The following DLGAP1 variants were observed in gnomAD, a reference collection of about 807,000 sequenced individuals.
DLGAP1 encodes the protein DLG associated protein 1.
A neutral mutation model predicts 90.8 loss-of-function variants in DLGAP1; 11 were observed. The ratio of observed to expected loss-of-function variants is 0.12; its 90% CI spans 0.08 to 0.20. The LOEUF (loss-of-function observed/expected upper bound fraction) is 0.20, where lower values mean the gene tolerates loss of function less well. Among genes scored for constraint, DLGAP1 ranks in the 10% least tolerant of loss-of-function variants. DLGAP1 has a pLI of 1.00. For missense variants in DLGAP1, 1,050 were observed against 1,333.8 expected (o/e 0.79, Z 3.31); for synonymous variants, 558 against 540.7 (o/e 1.03, Z -0.44).
In DLGAP1 at chr18:3,523,585, C is replaced by G. The variant is rs9947430; in HGVS notation, c.2479+10609G>C. ...AGGTCCGACCAGGTGCGGTGGCTCA[C>G]GCCTGTAATCCCAGCACTTTGGGAG... On this transcript the variant is annotated intron_variant, in intron 10 of 12. Coordinates refer to ENST00000315677, the MANE Select transcript of DLGAP1 (RefSeq NM_004746.4). Among the ~76,000 whole-genome samples, 4 of 151,752 alleles carry G rather than the reference C, an allele frequency of 2.6e-5. No individual in the cohort carries two copies. In the East Asian group the frequency reaches 5.8e-4, roughly 22 times the overall value.
intron 3 of DLGAP1, among the ~76,000 whole-genome samples, chr18:3,924,666 G>C (rs1304190968): frequency 5.9e-5 from 9 of 152,094 alleles, no homozygotes. Context: ...ACACATACTT[G>C]ACCTTCTGAT....
chr18:3,813,611 A>G (rs1190410004), intron 5 of DLGAP1, among the ~76,000 whole-genome samples: 3 of 152,172 alleles, frequency 2.0e-5, no homozygotes, highest in Non-Finnish European at 4.4e-5. Flanking sequence ...CACACTCTAT[A>G]AGCTTCTCTA....
intron 7 of DLGAP1, among the ~76,000 whole-genome samples, chr18:3,601,204 A>G (rs1390197136): frequency 6.6e-6 from 1 of 151,894 alleles, no homozygotes; most frequent in Admixed American, 6.6e-5. Flanking sequence ...CTCCCACCTC[A>G]GCCACCCAAG....
intron 1 of DLGAP1, among the ~76,000 whole-genome samples, chr18:4,434,838 G>A (rs1355389583): frequency 6.6e-6 from 1 of 152,074 alleles, no homozygotes; most frequent in Non-Finnish European, 1.5e-5. Context: ...GACATCCCAA[G>A]GAAAGGAAAT....
At chr18:4,352,505 G>A (rs2081422526) in intron 1 of DLGAP1, among the ~76,000 whole-genome samples, 1 of 152,038 alleles carries the variant, frequency 6.6e-6, no homozygotes, top group Non-Finnish European at 1.5e-5. Flanking sequence ...GTATACATAG[G>A]ACATGAAGTG....
intron 7 of DLGAP1, among the ~76,000 whole-genome samples, chr18:3,645,740 C>T (rs778906144): frequency 3.3e-5 from 5 of 152,208 alleles, no homozygotes; most frequent in Non-Finnish European, 5.9e-5. Flanking sequence ...CCTGTTCACA[C>T]GTATGCTGCC....
chr18:4,411,193 C>A (rs367644045), intron 1 of DLGAP1, among the ~76,000 whole-genome samples: 4 of 152,242 alleles, frequency 2.6e-5, no homozygotes, highest in African/African-American at 9.6e-5. Context: ...CTCTGAGTTT[C>A]ACAGTCTGTT....
At chr18:4,073,913 T>C (rs1190701857) in intron 2 of DLGAP1, among the ~76,000 whole-genome samples, 1 of 151,832 alleles carries the variant, frequency 6.6e-6, no homozygotes, top group Non-Finnish European at 1.5e-5. Context: ...ATAGATAAAA[T>C]GAAAATAAAA....
intron 7 of DLGAP1, among the ~76,000 whole-genome samples, chr18:3,635,192 GGGA>G (rs2058659693): frequency 6.6e-5 from 10 of 150,810 alleles, no homozygotes; most frequent in South Asian, 2.1e-4. Context: ...GTGCAGTGGC[GGGA>G]TCTCGGCTCA....
In DLGAP1 at chr18:3,645,217, C is replaced by T. The variant is rs947268594; in HGVS notation, c.1592-62969G>A. Among the ~76,000 whole-genome samples, 6 of 152,024 alleles carry T rather than the reference C, an allele frequency of 3.9e-5. No homozygotes were observed. In the South Asian group the frequency reaches 6.2e-4, roughly 16 times the overall value. Reference sequence around the variant, plus strand: ...AGGTGAGAGGATCACCTGAGCCTCCCGAGTAGCTGGGACTACAGGTGCATA... The same window carrying T: ...AGGTGAGAGGATCACCTGAGCCTCCTGAGTAGCTGGGACTACAGGTGCATA... On this transcript the variant is annotated intron_variant, in intron 7 of 12. Coordinates refer to ENST00000315677, the MANE Select transcript of DLGAP1 (RefSeq NM_004746.4).
rs797014568 is a variant in DLGAP1, at chr18:3,998,881, A to G, written c.-73+6235T>C. Among the ~76,000 whole-genome samples the G allele has an allele frequency of 1.2e-4, 18 of 152,280 alleles. 1 individual carries two copies. Among genetic ancestry groups the G allele is most frequent in the African/African-American group, 4.1e-4 (17 of 41,568 alleles). On this transcript the variant is annotated intron_variant, in intron 3 of 12. Transcript: ENST00000315677. ...GATAACATTCCGCTAAAACAGGCAA[A>G]TTATTGTGTTTTACGGTCACTTGGG...
chr18:4,389,128 AATGG>A (rs1170351772), intron 1 of DLGAP1, among the ~76,000 whole-genome samples: 9 of 152,220 alleles, frequency 5.9e-5, no homozygotes, highest in African/African-American at 1.4e-4. Context: ...TTGATGGATG[AATGG>A]ATGAACAAAA....
chr18:4,317,068 C>T (rs997283308), intron 1 of DLGAP1, among the ~76,000 whole-genome samples: 3 of 152,202 alleles, frequency 2.0e-5, no homozygotes, highest in Non-Finnish European at 4.4e-5. Context: ...AGAGATGTCA[C>T]TGGCCTATTT....
intron 4 of DLGAP1, among the ~76,000 whole-genome samples, chr18:3,868,642 T>C (rs2070551478): frequency 6.6e-6 from 1 of 152,212 alleles, no homozygotes; most frequent in Admixed American, 6.5e-5. Context: ...TATAATTTCA[T>C]TAAATGTATT....
intron 1 of DLGAP1, among the ~76,000 whole-genome samples, chr18:4,415,503 T>A (rs2082879493): frequency 6.6e-6 from 1 of 152,184 alleles, no homozygotes; most frequent in Non-Finnish European, 1.5e-5. Context: ...TAAAGTTCAT[T>A]AGAACATAAT....
At chr18:4,280,437 A>C (rs542963054) in intron 1 of DLGAP1, among the ~76,000 whole-genome samples, 42 of 152,328 alleles carry the variant, frequency 2.8e-4, no homozygotes, top group African/African-American at 9.6e-4. Flanking sequence ...ACTGACCAAA[A>C]GCCCACAACT....
intron 2 of DLGAP1, among the ~76,000 whole-genome samples, chr18:4,141,683 C>T (rs1034423618): frequency 6.6e-6 from 1 of 151,864 alleles, no homozygotes; most frequent in Non-Finnish European, 1.5e-5. Flanking sequence ...TTCTGACTGT[C>T]TATTTTCAAA....
chr18:3,954,587 C>T (rs1182861739), intron 3 of DLGAP1, among the ~76,000 whole-genome samples: 1 of 152,170 alleles, frequency 6.6e-6, no homozygotes, highest in African/African-American at 2.4e-5. Flanking sequence ...AGTGCCACAG[C>T]ATTGTGTTCA....
intron 3 of DLGAP1, among the ~76,000 whole-genome samples, chr18:3,903,978 G>C (rs1171149729): frequency 6.6e-6 from 1 of 152,164 alleles, no homozygotes; most frequent in Non-Finnish European, 1.5e-5. Flanking sequence ...TGATCTCCTA[G>C]AGAGATGGGT....
Sources: gnomAD v4.1 joint callset for allele counts (sites outside exome capture counted in the v4.1 genomes callset) on GRCh38, gnomAD v4.1.1 for gene constraint, MANE v1.5 for transcripts, NCBI Gene and HGNC (gene_info 2026-07-23, HGNC 2026-07-21) for gene names.